The following PPP2R2A variants were observed in gnomAD, a reference collection of about 807,000 sequenced individuals.
The protein encoded by PPP2R2A is protein phosphatase 2 regulatory subunit Balpha.
PPP2R2A carries 9 observed loss-of-function variants against 53.2 expected under a neutral mutation model. The ratio of observed to expected loss-of-function variants is 0.17; its 90% CI spans 0.10 to 0.30. PPP2R2A has a LOEUF of 0.30. Among genes scored for constraint, PPP2R2A ranks in the 10% least tolerant of loss-of-function variants. The pLI, the probability that PPP2R2A is intolerant of heterozygous loss-of-function variation, is 1.00. For synonymous variants in PPP2R2A, 169 were observed against 174.2 expected (o/e 0.97, Z 0.23); for missense variants, 235 against 534.6 (o/e 0.44, Z 5.53).
intron 2 of PPP2R2A, among the ~76,000 whole-genome samples, chr8:26,303,943 C>CCT (rs1801901290): frequency 6.6e-6 from 1 of 152,114 alleles, no homozygotes; most frequent in Admixed American, 6.5e-5. Flanking sequence ...TTGGTTAAAT[C>CCT]CTCTCTGTAT....
At chr8:26,303,690 G>A (rs1199238366) in intron 2 of PPP2R2A, among the ~76,000 whole-genome samples, 3 of 151,924 alleles carry the variant, frequency 2.0e-5, no homozygotes, top group Non-Finnish European at 4.4e-5. Context: ...TTCTACTCTT[G>A]AATGCCAAAG....
chr8:26,309,875 T>C (rs1324599875), intron 2 of PPP2R2A, among the ~76,000 whole-genome samples: 1 of 152,088 alleles, frequency 6.6e-6, no homozygotes, highest in African/African-American at 2.4e-5. Context: ...AATAGTAATA[T>C]CAAAGATCAT....
At chr8:26,344,000 G>T (rs1045156964) in intron 3 of PPP2R2A, among the ~76,000 whole-genome samples, 2 of 152,108 alleles carry the variant, frequency 1.3e-5, no homozygotes, top group African/African-American at 4.8e-5. Context: ...TTAACCCCTG[G>T]TAGTGCAGTC....
chr8:26,369,483 C>T (rs1014097573), intron 9 of PPP2R2A, among the ~76,000 whole-genome samples: 2 of 152,064 alleles, frequency 1.3e-5, no homozygotes, highest in Non-Finnish European at 2.9e-5. Context: ...CTCCACCTCC[C>T]GGGTTCACAC....
In PPP2R2A at chr8:26,364,003, G is replaced by A. The variant is rs550673030; in HGVS notation, c.972+113G>A. 3 of 945,896 alleles carry A rather than the reference G, an allele frequency of 3.2e-6. No homozygotes were observed. The East Asian group carries it at 7.9e-5, about 25-fold the overall frequency. 58.6% of individuals were successfully genotyped at this position (945,896 alleles called of 1,614,324 possible). On this transcript the variant is annotated intron_variant, in intron 8 of 9. Coordinates refer to ENST00000380737, the MANE Select transcript of PPP2R2A (RefSeq NM_002717.4). Reference sequence around the variant, plus strand: ...CTGTATGGTGTTTGTTCACCATTAGGCCTTTTCCCTCAGAGATCTATGAGT... The same window carrying A: ...CTGTATGGTGTTTGTTCACCATTAGACCTTTTCCCTCAGAGATCTATGAGT...
intron 2 of PPP2R2A, among the ~76,000 whole-genome samples, chr8:26,323,852 C>T (rs1239157030): frequency 6.6e-6 from 1 of 152,212 alleles, no homozygotes; most frequent in African/African-American, 2.4e-5. Flanking sequence ...CTCCCTTCCA[C>T]TTCTCTGTGG....
At chr8:26,347,289 T>C (rs1804269740) in intron 3 of PPP2R2A, among the ~76,000 whole-genome samples, 1 of 152,040 alleles carries the variant, frequency 6.6e-6, no homozygotes, top group Non-Finnish European at 1.5e-5. Context: ...AGAAACAAGG[T>C]TGGAGAGCCT....
intron 2 of PPP2R2A, among the ~76,000 whole-genome samples, chr8:26,319,179 A>G (rs531172379): frequency 6.6e-6 from 1 of 152,280 alleles, no homozygotes; most frequent in East Asian, 1.9e-4. Context: ...AATCTTATGT[A>G]TGTACCACAT....
chr8:26,307,887 G>C (rs747852376), intron 2 of PPP2R2A, among the ~76,000 whole-genome samples: 1 of 152,154 alleles, frequency 6.6e-6, no homozygotes, highest in Non-Finnish European at 1.5e-5. Context: ...GTTGAACCTT[G>C]TTGGTTCTTC....
intron 4 of PPP2R2A, chr8:26,359,088 A>C (rs1331725732): frequency 2.7e-6 from 1 of 364,546 alleles, no homozygotes; most frequent in Non-Finnish European, 5.8e-6. Context: ...AAGTCACTTC[A>C]TCTCTCTGTT....
intron 2 of PPP2R2A, chr8:26,298,615 C>T (rs1801645993): frequency 1.3e-5 from 2 of 152,170 alleles, no homozygotes; most frequent in African/African-American, 4.8e-5. Flanking sequence ...CAAGGTAATA[C>T]AGTAATTGCT....
At chr8:26,291,892 C>G in intron 1 of PPP2R2A, 66 bp downstream of exon 1, 18 of 1,593,046 alleles carry the variant, frequency 1.1e-5, no homozygotes, top group Non-Finnish European at 1.5e-5. Context: ...TCCATCACCC[C>G]CTAGCGACCG....
chr8:26,358,435 G>A (rs1175556549), intron 4 of PPP2R2A, among the ~76,000 whole-genome samples: 1 of 152,140 alleles, frequency 6.6e-6, no homozygotes, highest in Non-Finnish European at 1.5e-5. Flanking sequence ...TAGAAAATCT[G>A]TATGACTGAA....
intron 1 of PPP2R2A, chr8:26,293,363 T>C (rs1801396848): frequency 8.0e-7 from 1 of 1,246,834 alleles, no homozygotes; most frequent in Non-Finnish European, 1.1e-6. Context: ...TTACTTTTTT[T>C]CTGGTAGGTC....
chr8:26,311,733 T>A (rs9918805), intron 2 of PPP2R2A, among the ~76,000 whole-genome samples: 11,636 of 152,258 alleles, frequency 0.076, 525 homozygotes, highest in African/African-American at 0.12. Flanking sequence ...GCTTCTTTTT[T>A]TCTCTCTTGT....
intron 4 of PPP2R2A, among the ~76,000 whole-genome samples, chr8:26,358,337 A>AT (rs1478241119): frequency 1.3e-5 from 2 of 152,186 alleles, no homozygotes; most frequent in Admixed American, 6.5e-5. Flanking sequence ...CTTTGCAAGT[A>AT]TTTAGAACAA....
chr8:26,328,728 T>C (rs756088248), intron 2 of PPP2R2A, among the ~76,000 whole-genome samples: 3 of 152,208 alleles, frequency 2.0e-5, no homozygotes, highest in East Asian at 1.9e-4. Context: ...CAAGCACATA[T>C]GGCCAGACAG....
At position 26,372,553 on chromosome 8, in the gene PPP2R2A, A is replaced by G. The variant is rs1354641670; in HGVS notation, c.*2140A>G. Reference sequence around the variant, plus strand: ...TGCCTCTATCAAGGAATGCTATTATAAATTATTGTTAACATTCTCAAGTAT... The same window carrying G: ...TGCCTCTATCAAGGAATGCTATTATGAATTATTGTTAACATTCTCAAGTAT... On this transcript the variant is annotated 3_prime_UTR_variant, in exon 10 of 10. Transcript: ENST00000380737. 6.6e-6 allele frequency: 1 copy of G among 152,230 alleles called. No individual in the cohort carries two copies. The highest frequency in any genetic ancestry group is 1.5e-5 in the Non-Finnish European group (1 of 68,042). 9.4% of individuals were successfully genotyped at this position (152,230 alleles called of 1,614,324 possible). A position where few individuals can be genotyped will look rare whatever the true frequency, so the allele number is the denominator to read the frequency against.
intron 2 of PPP2R2A, among the ~76,000 whole-genome samples, chr8:26,326,984 A>T (rs1332106411): frequency 6.6e-6 from 1 of 152,348 alleles, no homozygotes; most frequent in African/African-American, 2.4e-5. Context: ...ATTTTATCCA[A>T]ACGGGCTATC....
Sources: gnomAD v4.1 joint callset for allele counts (sites outside exome capture counted in the v4.1 genomes callset) on GRCh38, gnomAD v4.1.1 for gene constraint, MANE v1.5 for transcripts, NCBI Gene and HGNC (gene_info 2026-07-23, HGNC 2026-07-21) for gene names.